UCK2: variants seen among roughly 807,000 people sequenced by gnomAD.
The protein encoded by UCK2 is cytidine monophosphokinase 2.
Under a neutral mutation model 30.8 loss-of-function variants are expected in UCK2, and 6 were observed. That is an observed-to-expected ratio of 0.19 (90% CI 0.11 to 0.38). The LOEUF is 0.38. Among genes scored for constraint, UCK2 ranks in the 10% least tolerant of loss-of-function variants. UCK2 has a pLI of 1.00. For missense variants in UCK2, 210 were observed against 339.8 expected, an observed-to-expected ratio of 0.62 and a Z score of 3.00; for synonymous variants, 125 against 133.6, an observed-to-expected ratio of 0.94 and a Z score of 0.45.
At chr1:165,888,351 G>A (rs1325391744) in intron 1 of UCK2, among the ~76,000 whole-genome samples, 1 of 151,576 alleles carries the variant, frequency 6.6e-6, no homozygotes, top group African/African-American at 2.4e-5. Flanking sequence ...GGAGTACATG[G>A]CACGATCTCA....
chr1:165,880,614 TGA>T (rs1655471124), intron 1 of UCK2, among the ~76,000 whole-genome samples: 1 of 150,346 alleles, frequency 6.7e-6, no homozygotes, highest in African/African-American at 2.5e-5. Flanking sequence ...TGTGTGTGTG[TGA>T]TGTCTTTTGT....
At chr1:165,890,886 C>G in intron 2 of UCK2, 1 of 292,756 alleles carries the variant, frequency 3.4e-6, no homozygotes, top group South Asian at 3.6e-5. Context: ...TGTGTACTCC[C>G]CCAGTCATGG....
At chr1:165,830,754 C>T (rs1281726538) in intron 1 of UCK2, among the ~76,000 whole-genome samples, 1 of 152,180 alleles carries the variant, frequency 6.6e-6, no homozygotes, top group Non-Finnish European at 1.5e-5. Context: ...AAGTCCAAGA[C>T]TGGGCCTGGT....
At chr1:165,881,498 C>T (rs1655500792) in intron 1 of UCK2, among the ~76,000 whole-genome samples, 1 of 152,156 alleles carries the variant, frequency 6.6e-6, no homozygotes, top group Non-Finnish European at 1.5e-5. Flanking sequence ...GAAGCCAGCC[C>T]ATCTGACTTT....
chr1:165,861,606 C>T lies in UCK2; in HGVS notation c.100-28598C>T, dbSNP rs953109493. On this transcript the variant is annotated intron_variant, in intron 1 of 6. Coordinates refer to ENST00000367879, the MANE Select transcript of UCK2 (RefSeq NM_012474.5). Reference sequence around the variant, plus strand: ...TCCCGCCACCGCACTCCAGCCTGGGCGACAGAGCGAGACTCCGTCTCAAAA... The same window carrying T: ...TCCCGCCACCGCACTCCAGCCTGGGTGACAGAGCGAGACTCCGTCTCAAAA... 4.2e-5 allele frequency among the ~76,000 whole-genome samples: 4 copies of T among 95,932 alleles called. No individual in the cohort carries two copies. In the Admixed American group the frequency reaches 4.9e-4, roughly 12 times the overall value. The allele number at this position is 95,932 out of a possible 152,430, so 62.9% of individuals were successfully genotyped here.
intron 1 of UCK2, among the ~76,000 whole-genome samples, chr1:165,845,435 A>G (rs1654424304): frequency 6.6e-6 from 1 of 152,206 alleles, no homozygotes; most frequent in African/African-American, 2.4e-5. Context: ...TACTTATAAA[A>G]TGAATGTTAC....
chr1:165,901,213 A>G (rs1471677032), intron 4 of UCK2, among the ~76,000 whole-genome samples: 2 of 152,204 alleles, frequency 1.3e-5, no homozygotes, highest in African/African-American at 4.8e-5. Flanking sequence ...CTGGGTGGGC[A>G]AGTCCTGACA....
intron 5 of UCK2, among the ~76,000 whole-genome samples, chr1:165,905,120 A>G (rs1180431339): frequency 1.3e-5 from 2 of 152,180 alleles, no homozygotes; most frequent in Admixed American, 1.3e-4. Context: ...AATAGAGGCA[A>G]TTAAGTGTTT....
At chr1:165,864,152 TG>T (rs1165805002) in intron 1 of UCK2, among the ~76,000 whole-genome samples, 1 of 152,206 alleles carries the variant, frequency 6.6e-6, no homozygotes, top group African/African-American at 2.4e-5. Flanking sequence ...TTCACCATGT[TG>T]GTCAGGCTGG....
chr1:165,864,603 T>C (rs1654998874), intron 1 of UCK2, among the ~76,000 whole-genome samples: 1 of 152,214 alleles, frequency 6.6e-6, no homozygotes, highest in South Asian at 2.1e-4. Context: ...TTAAAATGTA[T>C]GTATGGAACT....
intron 1 of UCK2, among the ~76,000 whole-genome samples, chr1:165,849,624 A>G (rs1393468784): frequency 6.6e-6 from 1 of 152,230 alleles, no homozygotes; most frequent in Non-Finnish European, 1.5e-5. Flanking sequence ...CAGCCTGCAT[A>G]GAGAAACATG....
chr1:165,827,726 C>T lies in UCK2; in HGVS notation c.-108C>T, dbSNP rs956767233. ...AGGCGAGCGACAGCGGCCTCAGCCC[C>T]GGCAGCGCCCAGCGGCGGCTGCGGA... On this transcript the variant is annotated 5_prime_UTR_variant, in exon 1 of 7. Transcript: ENST00000367879. The T allele has an allele frequency of 1.9e-6, 2 of 1,055,946 alleles. No homozygotes were observed. Among genetic ancestry groups the T allele is most frequent in the African/African-American group, 1.7e-5 (1 of 60,130 alleles). The allele number at this position is 1,055,946 out of a possible 1,614,324, so 65.4% of individuals were successfully genotyped here. A position where few individuals can be genotyped will look rare whatever the true frequency, so the allele number is the denominator to read the frequency against.
chr1:165,894,378 C>T (rs1315971096), intron 3 of UCK2: 1 of 152,102 alleles, frequency 6.6e-6, no homozygotes, highest in Non-Finnish European at 1.5e-5. Context: ...CCCATTGGTT[C>T]TGTTTTCTGA....
At chr1:165,900,188 C>G (rs908021870) in intron 4 of UCK2, 4 of 152,166 alleles carry the variant, frequency 2.6e-5, no homozygotes, top group African/African-American at 7.2e-5. Flanking sequence ...TCCCGCGCTC[C>G]CACGGTGTTG....
intron 1 of UCK2, among the ~76,000 whole-genome samples, chr1:165,868,337 C>T (rs1203426184): frequency 6.6e-6 from 1 of 152,224 alleles, no homozygotes; most frequent in African/African-American, 2.4e-5. Flanking sequence ...TAGCCTCTAA[C>T]AAGAGAGTCA....
intron 1 of UCK2, among the ~76,000 whole-genome samples, chr1:165,869,496 TC>T (rs1001389372): frequency 1.3e-5 from 2 of 152,012 alleles, no homozygotes; most frequent in Non-Finnish European, 2.9e-5. Flanking sequence ...TTTGAGGAGT[TC>T]CTATACTGTT....
At chr1:165,854,441 G>A (rs923534275) in intron 1 of UCK2, among the ~76,000 whole-genome samples, 29 of 152,012 alleles carry the variant, frequency 1.9e-4, no homozygotes, top group Admixed American at 1.9e-3. Context: ...TTTTGCTGTA[G>A]GACCTGATTA....
chr1:165,842,618 T>C (rs1360424902), intron 1 of UCK2, among the ~76,000 whole-genome samples: 1 of 152,184 alleles, frequency 6.6e-6, no homozygotes, highest in East Asian at 1.9e-4. Context: ...CCAATCCACA[T>C]CCATATTTCT....
At chr1:165,855,510 C>CTTTTTTTTTTTT (rs76464312) in intron 1 of UCK2, among the ~76,000 whole-genome samples, 1 of 128,246 alleles carries the variant, frequency 7.8e-6, no homozygotes. Context: ...TTTTTCTTTT[C>CTTTTTTTTTTTT]TTTTTTTTTT....
Sources: allele counts gnomAD v4.1 joint callset (sites outside exome capture counted in the v4.1 genomes callset), GRCh38; gene constraint gnomAD v4.1.1; transcripts MANE v1.5; gene names NCBI Gene and HGNC (gene_info 2026-07-23, HGNC 2026-07-21).